The following STAU2 variants were observed in gnomAD, a reference collection of about 807,000 sequenced individuals.
STAU2 encodes staufen double-stranded RNA binding protein 2, also known as double-stranded RNA-binding protein Staufen homolog 2.
In STAU2, 20 loss-of-function variants were observed where a neutral mutation model predicts 65.9. The observed-to-expected ratio is 0.30, with a 90% CI of 0.21 to 0.44. The LOEUF (loss-of-function observed/expected upper bound fraction) is 0.44. STAU2 is among the 20% of genes least tolerant of loss of function. The pLI is 1.00. For missense variants in STAU2, 558 were observed against 683.9 expected (o/e 0.82, Z 2.05); for synonymous variants, 232 against 233.9 (o/e 0.99, Z 0.07).
intron 14 of STAU2, among the ~76,000 whole-genome samples, chr8:73,422,204 ACTT>A (rs2128877385): frequency 6.6e-6 from 1 of 152,314 alleles, no homozygotes; most frequent in African/African-American, 2.4e-5. Context: ...CCTCCTCTCA[ACTT>A]CTTTTTCTTT....
At chr8:73,440,490 TTC>T (rs1818053003) in intron 13 of STAU2, 1 of 152,230 alleles carries the variant, frequency 6.6e-6, no homozygotes, top group Non-Finnish European at 1.5e-5. Flanking sequence ...CTTGCTTTCA[TTC>T]TCTCTCATCT....
intron 13 of STAU2, among the ~76,000 whole-genome samples, chr8:73,452,870 A>G (rs369786883): frequency 7.0e-4 from 107 of 152,364 alleles, no homozygotes; most frequent in African/African-American, 2.4e-3. Flanking sequence ...GTAAAGGTAC[A>G]GTTCAAAGCT....
At chr8:73,500,737 A>G (rs1279521001) in intron 13 of STAU2, among the ~76,000 whole-genome samples, 1 of 151,954 alleles carries the variant, frequency 6.6e-6, no homozygotes, top group African/African-American at 2.4e-5. Context: ...TTAGAAGACT[A>G]AACTTGAGAC....
chr8:73,443,304 G>A (rs968327885), intron 13 of STAU2, among the ~76,000 whole-genome samples: 8 of 152,152 alleles, frequency 5.3e-5, no homozygotes, highest in Non-Finnish European at 1.0e-4. Context: ...AGGGAGAAGC[G>A]GTTTCTAAAA....
At chr8:73,647,516 TGAA>T (rs775398068) in intron 6 of STAU2, among the ~76,000 whole-genome samples, 42 of 151,264 alleles carry the variant, frequency 2.8e-4, no homozygotes, top group Non-Finnish European at 5.9e-4. Context: ...GTAGCAGAGG[TGAA>T]GAGAAGAGTA....
chr8:73,463,157 A>G (rs545419783), intron 13 of STAU2, among the ~76,000 whole-genome samples: 4 of 151,206 alleles, frequency 2.6e-5, no homozygotes, highest in African/African-American at 9.6e-5. Context: ...GAAAGTGACA[A>G]GATGAACACT....
intron 13 of STAU2, among the ~76,000 whole-genome samples, chr8:73,517,143 A>G (rs1368938008): frequency 1.3e-5 from 2 of 152,194 alleles, no homozygotes; most frequent in African/African-American, 4.8e-5. Context: ...CTGGGCAGGC[A>G]TGATGGCTTA....
chr8:73,736,202 C>A (rs982951710), intron 3 of STAU2, among the ~76,000 whole-genome samples: 1 of 152,302 alleles, frequency 6.6e-6, no homozygotes, highest in South Asian at 2.1e-4. Context: ...TTGTGTAACA[C>A]AAGCAGCATA....
chr8:73,602,809 T>C (rs1442308123), intron 10 of STAU2, among the ~76,000 whole-genome samples: 1 of 152,138 alleles, frequency 6.6e-6, no homozygotes, highest in East Asian at 1.9e-4. Flanking sequence ...TAGATGATTC[T>C]AATGAATCAT....
intron 4 of STAU2, among the ~76,000 whole-genome samples, chr8:73,700,791 T>C (rs1006732656): frequency 3.9e-5 from 6 of 151,920 alleles, no homozygotes; most frequent in African/African-American, 1.5e-4. Context: ...TTATATGGAA[T>C]CACAAAAGAA....
At chr8:73,473,043 T>A (rs1326358017) in intron 13 of STAU2, among the ~76,000 whole-genome samples, 1 of 152,146 alleles carries the variant, frequency 6.6e-6, no homozygotes, top group East Asian at 1.9e-4. Context: ...AATATAACAC[T>A]CCACACAATA....
At chr8:73,581,916 T>C (rs920851201) in intron 12 of STAU2, among the ~76,000 whole-genome samples, 2 of 152,190 alleles carry the variant, frequency 1.3e-5, no homozygotes, top group African/African-American at 2.4e-5. Context: ...TACGATAATT[T>C]ACAGATTTAA....
At position 73,720,693 on chromosome 8, in the gene STAU2, T is replaced by C. The variant is rs1404683631; in HGVS notation, c.-17-11531A>G. Among the ~76,000 whole-genome samples the C allele has an allele frequency of 4.3e-5, 5 of 115,222 alleles. 1 individual carries two copies. Among genetic ancestry groups the C allele is most frequent in the African/African-American group, 1.1e-4 (3 of 27,194 alleles). The allele number at this position is 115,222 out of a possible 152,430, so 75.6% of individuals were successfully genotyped here. ...GCGCCCGGCTAATTTTTTGTATTTT[T>C]AGTAGAGACAGGGTTTCACCTTGTT... On this transcript the variant is annotated intron_variant, in intron 3 of 14. Coordinates refer to ENST00000524300, the MANE Select transcript of STAU2 (RefSeq NM_001164380.2).
chr8:73,666,541 T>C (rs978573099), intron 6 of STAU2, among the ~76,000 whole-genome samples: 14 of 152,168 alleles, frequency 9.2e-5, no homozygotes, highest in Non-Finnish European at 1.5e-4. Context: ...TCAGGCAAAA[T>C]AGTCCAAATT....
chr8:73,716,581 T>C (rs1821266842), intron 3 of STAU2, among the ~76,000 whole-genome samples: 1 of 152,234 alleles, frequency 6.6e-6, no homozygotes, highest in Non-Finnish European at 1.5e-5. Context: ...TCAGTCTTCT[T>C]AACTTCAGTC....
rs1012053505 is a variant in STAU2 at position 73,527,808 on chromosome 8, T to C, written c.1530+24204A>G. The C allele has an allele frequency of 2.6e-6, 4 of 1,533,854 alleles. No homozygotes were observed. In the African/African-American group the frequency reaches 5.5e-5, roughly 21 times the overall value. Reference sequence around the variant, plus strand: ...TTTGTCTATCACAGTAGTGAACCTATAACAGAACACACGCAATCCACTGAA... The same window carrying C: ...TTTGTCTATCACAGTAGTGAACCTACAACAGAACACACGCAATCCACTGAA... On this transcript the variant is annotated intron_variant, in intron 13 of 14. Coordinates refer to ENST00000524300, the MANE Select transcript of STAU2 (RefSeq NM_001164380.2).
intron 13 of STAU2, among the ~76,000 whole-genome samples, chr8:73,433,769 T>C (rs1311769793): frequency 6.6e-6 from 1 of 151,834 alleles, no homozygotes. Context: ...GCCCAAAGTG[T>C]TGGGATTACA....
chr8:73,589,331 G>A (rs1173085471), intron 11 of STAU2, among the ~76,000 whole-genome samples: 2 of 152,224 alleles, frequency 1.3e-5, no homozygotes, highest in Non-Finnish European at 1.5e-5. Flanking sequence ...AAAATTATGA[G>A]ATACCCAAAA....
At chr8:73,577,167 G>A (rs1809621999) in intron 12 of STAU2, among the ~76,000 whole-genome samples, 1 of 152,084 alleles carries the variant, frequency 6.6e-6, no homozygotes, top group Non-Finnish European at 1.5e-5. Flanking sequence ...ACTGGCTCAC[G>A]CCTGTAATCC....
Sources: gnomAD v4.1 joint callset for allele counts (sites outside exome capture counted in the v4.1 genomes callset) on GRCh38, gnomAD v4.1.1 for gene constraint, MANE v1.5 for transcripts, NCBI Gene and HGNC (gene_info 2026-07-23, HGNC 2026-07-21) for gene names.